BLK: variants seen among roughly 807,000 people sequenced by gnomAD.
The protein encoded by BLK is BLK proto-oncogene, Src family tyrosine kinase.
A neutral mutation model predicts 61.8 loss-of-function variants in BLK; 64 were observed. The ratio of observed to expected loss-of-function variants is 1.03; its 90% CI spans 0.85 to 1.27. The LOEUF (loss-of-function observed/expected upper bound fraction) is 1.27, where lower values mean the gene tolerates loss of function less well. Among genes scored for constraint, BLK ranks in the 50% most tolerant of loss-of-function variants. The pLI is 0.00. For synonymous variants in BLK, 351 were observed against 272.0 expected, an observed-to-expected ratio of 1.29 and a Z score of -2.86; for missense variants, 853 against 660.5, an observed-to-expected ratio of 1.29 and a Z score of -3.19.
intron 1 of BLK, chr8:11,509,675 C>T (rs1798922807): frequency 6.6e-6 from 1 of 152,208 alleles, no homozygotes; most frequent in South Asian, 2.1e-4. Context: ...CTTAGAGGGG[C>T]AGTCTGGCCA....
chr8:11,558,560 T>C (rs1056623597), intron 10 of BLK: 9 of 439,416 alleles, frequency 2.0e-5, no homozygotes, highest in African/African-American at 6.0e-5. Flanking sequence ...CTCTGAGCCC[T>C]GGAGGACAGC....
At chr8:11,554,190 G>A (rs1000251867) in intron 6 of BLK, 2 of 162,632 alleles carry the variant, frequency 1.2e-5, no homozygotes, top group African/African-American at 4.8e-5. Flanking sequence ...ACTTGCCTGC[G>A]GGAAAACATT....
At chr8:11,537,963 C>T (rs1221172666) in intron 1 of BLK, among the ~76,000 whole-genome samples, 1 of 152,122 alleles carries the variant, frequency 6.6e-6, no homozygotes, top group African/African-American at 2.4e-5. Flanking sequence ...AATAAACAAA[C>T]AACTCCCCTT....
intron 1 of BLK, among the ~76,000 whole-genome samples, chr8:11,524,521 C>T (rs1799575387): frequency 6.6e-6 from 1 of 152,164 alleles, no homozygotes; most frequent in South Asian, 2.1e-4. Context: ...CTACATACTT[C>T]CATACTGCTG....
Position 11,561,405 on chromosome 8 carries a change from A to T in BLK, c.1133A>T (p.Asp378Val). The T allele has an allele frequency of 6.2e-7, 1 of 1,614,074 alleles. No homozygotes were observed. The highest frequency in any genetic ancestry group is 1.1e-5 in the South Asian group (1 of 91,074). The change falls in exon 11 of 13, where the codon GAT becomes GTT. Residue 378 changes from aspartate to valine, a missense_variant. Asp to Val is a radical substitution (Grantham distance 152). Coordinates refer to ENST00000259089, the MANE Select transcript of BLK (RefSeq NM_001715.3). The part of the protein sequence containing the change: ...VSEALCCKIA[D>V]FGLARIIDSE... ...GAGGCCTTGTGCTGCAAAATTGCTG[A>T]TTTTGGCTTGGCTCGAATCATCGAC...
At chr8:11,526,725 A>G (rs1256043085) in intron 1 of BLK, among the ~76,000 whole-genome samples, 4 of 152,216 alleles carry the variant, frequency 2.6e-5, no homozygotes, top group African/African-American at 9.6e-5. Flanking sequence ...TCTCAAAAAA[A>G]CAAAAAATTA....
chr8:11,528,704 T>A (rs1799772709), intron 1 of BLK, among the ~76,000 whole-genome samples: 1 of 152,200 alleles, frequency 6.6e-6, no homozygotes, highest in South Asian at 2.1e-4. Context: ...AACATGTGTA[T>A]AACGAAAACA....
chr8:11,534,416 T>A (rs1800025568), intron 1 of BLK, among the ~76,000 whole-genome samples: 1 of 152,030 alleles, frequency 6.6e-6, no homozygotes, highest in East Asian at 1.9e-4. Flanking sequence ...CCCAAAAAAA[T>A]TCACTCACAT....
intron 1 of BLK, among the ~76,000 whole-genome samples, chr8:11,533,234 C>CCTTTT (rs1444417052): frequency 6.6e-6 from 1 of 152,188 alleles, no homozygotes; most frequent in East Asian, 1.9e-4. Context: ...AGGCCTGAGA[C>CCTTTT]CTTTTCTTTT....
chr8:11,560,073 T>C (rs10098782), intron 10 of BLK: 123,606 of 308,246 alleles, frequency 0.4, 27,440 homozygotes, highest in East Asian at 0.93. Flanking sequence ...CAGTCCCATA[T>C]TAGTAAATGA....
intron 1 of BLK, among the ~76,000 whole-genome samples, chr8:11,538,698 G>C (rs559138282): frequency 6.6e-6 from 1 of 152,272 alleles, no homozygotes; most frequent in Non-Finnish European, 1.5e-5. Context: ...GGAAGTATGA[G>C]TCCAAGTCTG....
At position 11,497,503 on chromosome 8, in the gene BLK, G is replaced by T. The variant is rs567833098; in HGVS notation, c.-2+2912G>T. Among the ~76,000 whole-genome samples, 20 of 152,258 alleles carry T rather than the reference G, an allele frequency of 1.3e-4. 1 individual carries two copies. The South Asian group carries it at 3.1e-3, about 24-fold the overall frequency. ...CAGCACACACCCAGGGCTCTGGTTT[G>T]CAGGCCTGCCAGGTTCTCTGGACCA... On this transcript the variant is annotated intron_variant, in intron 1 of 12. Transcript: ENST00000259089.
intron 1 of BLK, among the ~76,000 whole-genome samples, chr8:11,530,379 A>C (rs1456084713): frequency 2.0e-5 from 3 of 152,190 alleles, no homozygotes; most frequent in Non-Finnish European, 4.4e-5. Flanking sequence ...ACAAGGTAGG[A>C]GGTCAGTTCC....
At position 11,564,412 on chromosome 8, in the gene BLK, C is replaced by G; in HGVS notation, c.*304C>G. On this transcript the variant is annotated 3_prime_UTR_variant, in exon 13 of 13. Coordinates refer to ENST00000259089, the MANE Select transcript of BLK (RefSeq NM_001715.3). ...TTCAGGACTGGTAAGCGACTGTCAT[C>G]AAGTAAGGCCCCCGTGCTGGGCACC... The G allele has an allele frequency of 1.6e-6, 1 of 620,092 alleles. No homozygotes were observed. 38.4% of individuals were successfully genotyped at this position (620,092 alleles called of 1,614,324 possible).
chr8:11,556,581 C>A (rs1259893851), intron 8 of BLK, 77 bp from the exon 9 acceptor site: 1 of 1,584,524 alleles, frequency 6.3e-7, no homozygotes, highest in African/African-American at 1.3e-5. Context: ...TGGGCACTTA[C>A]CCCGATTTTG....
intron 11 of BLK, 113 bp from the exon 12 acceptor site, chr8:11,562,866 G>C: frequency 6.7e-7 from 1 of 1,484,582 alleles, no homozygotes; most frequent in Non-Finnish European, 9.2e-7. Flanking sequence ...CGCCCTGTGA[G>C]GCCCCGCAGT....
intron 1 of BLK, among the ~76,000 whole-genome samples, chr8:11,534,476 C>A (rs1800026888): frequency 6.6e-6 from 1 of 152,170 alleles, no homozygotes; most frequent in South Asian, 2.1e-4. Flanking sequence ...TCAAGCTTCT[C>A]TGTTAGCAGA....
At chr8:11,502,110 C>T (rs1053201348) in intron 1 of BLK, among the ~76,000 whole-genome samples, 7 of 152,150 alleles carry the variant, frequency 4.6e-5, no homozygotes, top group African/African-American at 9.7e-5. Context: ...AGAGTACTTC[C>T]GCCTTATAGA....
intron 1 of BLK, among the ~76,000 whole-genome samples, chr8:11,499,125 G>A (rs1024949594): frequency 6.6e-6 from 1 of 152,192 alleles, no homozygotes; most frequent in African/African-American, 2.4e-5. Flanking sequence ...TATGATGGTG[G>A]TCTCATAAGA....
Sources: gnomAD v4.1 joint callset for allele counts (sites outside exome capture counted in the v4.1 genomes callset) on GRCh38, gnomAD v4.1.1 for gene constraint, MANE v1.5 for transcripts, NCBI Gene and HGNC (gene_info 2026-07-23, HGNC 2026-07-21) for gene names.